The following C6 variants were observed in gnomAD, a reference collection of about 807,000 sequenced individuals.
C6 encodes the protein complement C6, also known as complement component C6.
A neutral mutation model predicts 112.9 loss-of-function variants in C6; 101 were observed. That is an observed-to-expected ratio of 0.89 (90% CI 0.76 to 1.06). C6 has a LOEUF of 1.06. C6 is among the 50% of genes least tolerant of loss of function. The probability of loss-of-function intolerance (pLI) is 0.00; values close to 1 mark genes in which losing one functional copy is unlikely to be tolerated. For missense variants in C6, 1,202 were observed against 1,104.6 expected (o/e 1.09, Z -1.25); for synonymous variants, 431 against 384.1 (o/e 1.12, Z -1.43).
intron 1 of C6, among the ~76,000 whole-genome samples, chr5:41,239,950 G>A (rs762032972): frequency 3.3e-5 from 5 of 151,944 alleles, no homozygotes; most frequent in Non-Finnish European, 4.4e-5. Context: ...TGGCCTGTAG[G>A]GTTTCTGTTG....
intron 1 of C6, among the ~76,000 whole-genome samples, chr5:41,243,766 A>G (rs1740869540): frequency 6.6e-6 from 1 of 152,080 alleles, no homozygotes; most frequent in African/African-American, 2.4e-5. Context: ...TAGCATATGT[A>G]AAAGGCAATC....
chr5:41,244,791 T>C (rs1046494692), intron 1 of C6, among the ~76,000 whole-genome samples: 4 of 152,064 alleles, frequency 2.6e-5, no homozygotes, highest in Non-Finnish European at 5.9e-5. Context: ...AATGAGTGAA[T>C]GTAGAAAGGA....
chr5:41,229,746 T>C (rs947110374), intron 1 of C6, among the ~76,000 whole-genome samples: 1 of 152,204 alleles, frequency 6.6e-6, no homozygotes, highest in African/African-American at 2.4e-5. Flanking sequence ...TTTCTATCTG[T>C]ATAATGTAGT....
intron 13 of C6, among the ~76,000 whole-genome samples, chr5:41,157,921 C>A (rs1181030430): frequency 6.6e-6 from 1 of 152,096 alleles, no homozygotes; most frequent in East Asian, 1.9e-4. Context: ...ATGGAAGATA[C>A]ATTAGCCCAG....
At chr5:41,172,538 T>A (rs1748516177) in intron 8 of C6, 191 bp from the exon 9 acceptor site, 5 of 639,722 alleles carry the variant, frequency 7.8e-6, no homozygotes, top group Non-Finnish European at 1.4e-5. Context: ...GGCCCAGAGA[T>A]GATCCTGAAC....
intron 1 of C6, among the ~76,000 whole-genome samples, chr5:41,241,070 C>G (rs1740680749): frequency 6.6e-6 from 1 of 152,170 alleles, no homozygotes; most frequent in Non-Finnish European, 1.5e-5. Flanking sequence ...TGTGCCTGTC[C>G]TGAGGCCCCC....
chr5:41,175,223 C>A lies in C6; in HGVS notation c.1168+1252G>T, dbSNP rs147367913. Among the ~76,000 whole-genome samples, 449 of 152,244 alleles carry A rather than the reference C, an allele frequency of 2.9e-3. 3 individuals are homozygous for A. Among genetic ancestry groups the A allele is most frequent in the African/African-American group, 9.8e-3 (407 of 41,534 alleles). On this transcript the variant is annotated intron_variant, in intron 8 of 17. Coordinates refer to ENST00000337836, the MANE Select transcript of C6 (RefSeq NM_000065.5). The stretch of plus-strand genomic sequence containing the variant: ...CAGCCAGCCAGATCAGCCAAATCAA[C>A]CCTGGCGATCAAAGAAGTGACAGAT...
At chr5:41,220,690 A>T (rs1049589176) in intron 1 of C6, among the ~76,000 whole-genome samples, 15 of 152,072 alleles carry the variant, frequency 9.9e-5, no homozygotes, top group Non-Finnish European at 1.8e-4. Context: ...ATTTATATAC[A>T]TTCTTTGGAT....
At chr5:41,225,567 CT>C (rs1739437592) in intron 1 of C6, among the ~76,000 whole-genome samples, 1 of 152,136 alleles carries the variant, frequency 6.6e-6, no homozygotes, top group Non-Finnish European at 1.5e-5. Flanking sequence ...ATTTATAATC[CT>C]TTGGGTATAT....
At chr5:41,161,044 A>G (rs1008129648) in intron 10 of C6, among the ~76,000 whole-genome samples, 36 of 152,092 alleles carry the variant, frequency 2.4e-4, no homozygotes, top group African/African-American at 8.7e-4. Context: ...ACACATCTTC[A>G]CGCTGCAGGC....
chr5:41,200,891 G>GTTTTGTTTTTTTTTTTTTTTTTT (rs1554029750), intron 3 of C6, among the ~76,000 whole-genome samples: 16 of 70,654 alleles, frequency 2.3e-4, no homozygotes, highest in Non-Finnish European at 3.2e-4. Context: ...TGTTGTTGTT[G>GTTTTGTTTTTTTTTTTTTTTTTT]TTTTTTTTTT....
At chr5:41,154,947 G>C (rs773335160) in intron 14 of C6, 25 bp downstream of exon 14, 5 of 1,612,174 alleles carry the variant, frequency 3.1e-6, no homozygotes. Context: ...AAGTAGTCAA[G>C]CAAAATTGTT....
chr5:41,159,620 G>T (rs3830071), intron 11 of C6, among the ~76,000 whole-genome samples: 23,914 of 149,560 alleles, frequency 0.16, 1,936 homozygotes, highest in East Asian at 0.33. Flanking sequence ...ACTTTTAAAG[G>T]AAGTAGTATA....
chr5:41,220,467 C>T (rs1462946537), intron 1 of C6, among the ~76,000 whole-genome samples: 1 of 152,146 alleles, frequency 6.6e-6, no homozygotes, highest in Non-Finnish European at 1.5e-5. Context: ...TCCTGTTTTG[C>T]TTACTTTCCT....
intron 1 of C6, chr5:41,203,559 T>C (rs1580183460): frequency 3.6e-5 from 13 of 356,274 alleles, no homozygotes; most frequent in East Asian, 2.8e-4. Context: ...AAAAGTATTT[T>C]AGATTTATAC....
upstream of C6, among the ~76,000 whole-genome samples, chr5:41,217,129 G>A (rs189464367): frequency 1.3e-5 from 2 of 151,906 alleles, no homozygotes; most frequent in Admixed American, 1.3e-4. Flanking sequence ...CCTCTTCTTT[G>A]GGGGCCATTC....
chr5:41,238,940 T>C (rs1046823322), intron 1 of C6, among the ~76,000 whole-genome samples: 1 of 152,150 alleles, frequency 6.6e-6, no homozygotes, highest in Non-Finnish European at 1.5e-5. Flanking sequence ...CTAATAACAT[T>C]CCTAAAAATC....
intron 5 of C6, among the ~76,000 whole-genome samples, chr5:41,186,623 C>A (rs1749790742): frequency 1.3e-5 from 2 of 151,886 alleles, no homozygotes; most frequent in South Asian, 2.1e-4. Flanking sequence ...ATAGTAACAG[C>A]AATATTTTAA....
chr5:41,253,404 T>C (rs1171442679), intron 1 of C6, among the ~76,000 whole-genome samples: 1 of 151,968 alleles, frequency 6.6e-6, no homozygotes, highest in African/African-American at 2.4e-5. Context: ...TGTAGCTCTC[T>C]CCTTTTTGTT....
Sources: gnomAD v4.1 joint callset for allele counts (sites outside exome capture counted in the v4.1 genomes callset) on GRCh38, gnomAD v4.1.1 for gene constraint, MANE v1.5 for transcripts, NCBI Gene and HGNC (gene_info 2026-07-23, HGNC 2026-07-21) for gene names.